The following KLF8 variants were observed in gnomAD, a reference collection of about 807,000 sequenced individuals.
The protein encoded by KLF8 is KLF transcription factor 8, also known as Krueppel-like factor 8.
In KLF8, 10 loss-of-function variants were observed where a neutral mutation model predicts 18.2. The observed-to-expected ratio is 0.55, with a 90% CI of 0.34 to 0.93. The LOEUF (loss-of-function observed/expected upper bound fraction) is 0.93, where lower values mean the gene tolerates loss of function less well. KLF8 is among the 40% of genes least tolerant of loss of function. KLF8 has a pLI of 0.02. For missense variants in KLF8, 264 were observed against 277.9 expected (o/e 0.95, Z 0.36); for synonymous variants, 109 against 97.3 (o/e 1.12, Z -0.71).
At chrX:56,203,061 C>T in the KLF8 span, among the ~76,000 whole-genome samples, 3 of 111,438 alleles carry the variant, frequency 2.7e-5, no homozygotes, top group African/African-American at 9.8e-5. Flanking sequence ...CAAGTGTTCC[C>T]TTTTCTCTGT....
the KLF8 span, among the ~76,000 whole-genome samples, chrX:56,145,778 G>C: frequency 9.0e-6 from 1 of 111,406 alleles, no homozygotes; most frequent in African/African-American, 3.3e-5. Context: ...TGAGTGAACA[G>C]GCAACCTACA....
In KLF8 at chrX:56,282,517, C is replaced by T. The variant is rs188290681; in HGVS notation, c.899-1796C>T. Among the ~76,000 whole-genome samples, 525 of 111,914 alleles carry T rather than the reference C, an allele frequency of 4.7e-3. 5 individuals are homozygous for T. Among genetic ancestry groups the T allele is most frequent in the African/African-American group, 0.017 (511 of 30,780 alleles). Reference sequence around the variant, plus strand: ...TCAGACTGGATTTCATTCTGTTGCTCATTATGTGAACACTATACAGTTAAT... The same window carrying T: ...TCAGACTGGATTTCATTCTGTTGCTTATTATGTGAACACTATACAGTTAAT... On this transcript the variant is annotated intron_variant, in intron 5 of 5. Coordinates refer to ENST00000468660, the MANE Select transcript of KLF8 (RefSeq NM_007250.5).
chrX:56,038,664 G>T, the KLF8 span, among the ~76,000 whole-genome samples: 1 of 112,057 alleles, frequency 8.9e-6, no homozygotes, highest in African/African-American at 3.2e-5. Flanking sequence ...TATTAATAGT[G>T]CTGCAATGAA....
At chrX:56,078,858 G>A in the KLF8 span, among the ~76,000 whole-genome samples, 24 of 110,044 alleles carry the variant, frequency 2.2e-4, no homozygotes, top group Admixed American at 2.2e-3. Flanking sequence ...ACTTCTTCCT[G>A]GTTTAGTCTT....
At chrX:56,182,298 G>T in the KLF8 span, among the ~76,000 whole-genome samples, 1 of 112,357 alleles carries the variant, frequency 8.9e-6, no homozygotes, top group Non-Finnish European at 1.9e-5. Context: ...TCGTGCCAAG[G>T]TTTTCAGCTC....
chrX:55,924,368 C>T, the KLF8 span, among the ~76,000 whole-genome samples: 5 of 111,930 alleles, frequency 4.5e-5, no homozygotes, highest in Admixed American at 1.9e-4. Context: ...TGAGCCACTG[C>T]GCCCGGCCCT....
At chrX:56,130,602 C>A in the KLF8 span, among the ~76,000 whole-genome samples, 1 of 111,022 alleles carries the variant, frequency 9.0e-6, no homozygotes, top group Admixed American at 9.6e-5. Context: ...TTCTTTAACA[C>A]CCCCCTACTG....
chrX:56,179,784 G>A, the KLF8 span, among the ~76,000 whole-genome samples: 1 of 111,454 alleles, frequency 9.0e-6, no homozygotes, highest in South Asian at 3.8e-4. Context: ...TTTATATGAT[G>A]GATTACATTC....
chrX:56,241,089 G>A (rs1032512085), intron 1 of KLF8, among the ~76,000 whole-genome samples: 1 of 112,013 alleles, frequency 8.9e-6, no homozygotes, highest in Non-Finnish European at 1.9e-5. Context: ...GATGAAACAA[G>A]GTTTACCATT....
At chrX:56,042,003 T>G in the KLF8 span, among the ~76,000 whole-genome samples, 1 of 112,066 alleles carries the variant, frequency 8.9e-6, no homozygotes, top group African/African-American at 3.2e-5. Context: ...AGCTTTTTGA[T>G]GTGGGCATTT....
At chrX:56,002,786 T>C in the KLF8 span, among the ~76,000 whole-genome samples, 1 of 112,133 alleles carries the variant, frequency 8.9e-6, no homozygotes, top group East Asian at 2.8e-4. Flanking sequence ...GAAGACTCCA[T>C]ATGGCTATCA....
the KLF8 span, among the ~76,000 whole-genome samples, chrX:56,158,711 G>A: frequency 8.9e-6 from 1 of 112,023 alleles, no homozygotes; most frequent in African/African-American, 3.2e-5. Context: ...GTATAAAAAT[G>A]CTTGTGATTT....
the KLF8 span, among the ~76,000 whole-genome samples, chrX:55,957,296 T>C: frequency 8.9e-6 from 1 of 112,141 alleles, no homozygotes; most frequent in Non-Finnish European, 1.9e-5. Flanking sequence ...CACTGTAACC[T>C]ATATTAAGGT....
At chrX:56,107,466 CG>C in the KLF8 span, among the ~76,000 whole-genome samples, 19 of 111,448 alleles carry the variant, frequency 1.7e-4, no homozygotes, top group Admixed American at 1.5e-3. Context: ...CCTTGCTGGT[CG>C]ATCTCAGAGT....
the KLF8 span, among the ~76,000 whole-genome samples, chrX:56,149,426 T>G: frequency 9.1e-6 from 1 of 110,394 alleles, no homozygotes; most frequent in East Asian, 2.9e-4. Flanking sequence ...CACTGAAGAC[T>G]ACTAGAAAGT....
At chrX:56,198,532 G>A in the KLF8 span, among the ~76,000 whole-genome samples, 21 of 111,679 alleles carry the variant, frequency 1.9e-4, no homozygotes, top group Admixed American at 1.9e-3. Flanking sequence ...AATTTACAAG[G>A]GATGTGAAGA....
the KLF8 span, among the ~76,000 whole-genome samples, chrX:56,081,948 G>T: frequency 9.0e-6 from 1 of 111,344 alleles, no homozygotes; most frequent in Admixed American, 9.6e-5. Flanking sequence ...TTTGATTTGA[G>T]GGTAAGTCTG....
intron 2 of KLF8, among the ~76,000 whole-genome samples, chrX:56,255,736 C>T (rs944658942): frequency 8.9e-6 from 1 of 111,770 alleles, no homozygotes; most frequent in Non-Finnish European, 1.9e-5. Flanking sequence ...CCCAGGGATC[C>T]CACTTGGTCA....
chrX:56,042,751 T>C, the KLF8 span, among the ~76,000 whole-genome samples: 1 of 111,810 alleles, frequency 8.9e-6, no homozygotes, highest in Non-Finnish European at 1.9e-5. Context: ...GAGAGGGGTC[T>C]CTTGAAGACA....
Sources: gnomAD v4.1 joint callset for allele counts (sites outside exome capture counted in the v4.1 genomes callset) on GRCh38, gnomAD v4.1.1 for gene constraint, MANE v1.5 for transcripts, NCBI Gene and HGNC (gene_info 2026-07-23, HGNC 2026-07-21) for gene names.